MACROD2: variants seen among roughly 807,000 people sequenced by gnomAD.
The protein encoded by MACROD2 is ADP-ribose glycohydrolase MACROD2.
In MACROD2, 36 loss-of-function variants were observed where a neutral mutation model predicts 70.4. The observed-to-expected ratio is 0.51, with a 90% CI of 0.39 to 0.68. The LOEUF (loss-of-function observed/expected upper bound fraction) is 0.68. MACROD2 is among the 30% of genes least tolerant of loss of function. The probability of loss-of-function intolerance (pLI) is 0.00; values close to 1 mark genes in which losing one functional copy is unlikely to be tolerated. For missense variants in MACROD2, 496 were observed against 538.4 expected (o/e 0.92, Z 0.78); for synonymous variants, 172 against 178.8 (o/e 0.96, Z 0.30).
intron 8 of MACROD2, among the ~76,000 whole-genome samples, chr20:15,623,110 G>A (rs2049151356): frequency 6.6e-6 from 1 of 152,188 alleles, no homozygotes; most frequent in South Asian, 2.1e-4. Flanking sequence ...CAACAATGAA[G>A]TAGATTCCAT....
intron 3 of MACROD2, among the ~76,000 whole-genome samples, chr20:14,288,329 A>G (rs771431925): frequency 2.4e-4 from 37 of 152,296 alleles, no homozygotes; most frequent in Non-Finnish European, 5.1e-4. Context: ...AAGATAAAAG[A>G]GTCTAGGACT....
chr20:15,085,876 AC>A (rs1001237262), intron 5 of MACROD2, among the ~76,000 whole-genome samples: 1 of 50,112 alleles, frequency 2.0e-5, no homozygotes, highest in African/African-American at 8.4e-5. Context: ...CACACACAAC[AC>A]ACACACACAC....
rs533282421 is a variant in MACROD2, at chr20:15,196,415, A to G, written c.419-33525A>G. ...GTCTTAAGGAGCATTTGAGGAGCTA[A>G]GATATATGGCAATTTTACCCGAGAT... On this transcript the variant is annotated intron_variant, in intron 5 of 17. Coordinates refer to ENST00000684519, the MANE Select transcript of MACROD2 (RefSeq NM_001351661.2). 2.3e-3 allele frequency among the ~76,000 whole-genome samples: 350 copies of G among 152,332 alleles called. 2 individuals carry two copies. The highest frequency in any genetic ancestry group is 0.015 in the South Asian group (72 of 4,824).
At chr20:15,765,692 A>C (rs2051511456) in intron 8 of MACROD2, among the ~76,000 whole-genome samples, 1 of 152,218 alleles carries the variant, frequency 6.6e-6, no homozygotes, top group African/African-American at 2.4e-5. Flanking sequence ...AAATAAAGTG[A>C]ACATATTTAC....
chr20:15,160,996 T>A (rs2076344390), intron 5 of MACROD2, among the ~76,000 whole-genome samples: 1 of 152,096 alleles, frequency 6.6e-6, no homozygotes, highest in Non-Finnish European at 1.5e-5. Flanking sequence ...TGCATGTGCA[T>A]GCACACTGTT....
intron 8 of MACROD2, among the ~76,000 whole-genome samples, chr20:15,713,242 T>C (rs1454293184): frequency 2.6e-5 from 4 of 152,110 alleles, no homozygotes; most frequent in African/African-American, 9.7e-5. Flanking sequence ...ATCTCAGAGT[T>C]TAAAAAAGAC....
At chr20:15,267,278 C>A (rs1206230396) in intron 6 of MACROD2, among the ~76,000 whole-genome samples, 1 of 152,152 alleles carries the variant, frequency 6.6e-6, no homozygotes, top group Non-Finnish European at 1.5e-5. Flanking sequence ...TACCTCCCTA[C>A]CCCCAGGGAA....
At position 15,524,692 on chromosome 20, in the gene MACROD2, G is replaced by A. The variant is rs2146535695; in HGVS notation, c.645+24845G>A. On this transcript the variant is annotated intron_variant, in intron 8 of 17. Coordinates refer to ENST00000684519, the MANE Select transcript of MACROD2 (RefSeq NM_001351661.2). ...TGTATAATAGAGGGACTTATTTTCT[G>A]TGTAGTGCCTAGGTATAGCCCTGTA... Among the ~76,000 whole-genome samples the A allele has an allele frequency of 1.3e-5, 2 of 152,272 alleles. 1 individual carries two copies. Among genetic ancestry groups the A allele is most frequent in the South Asian group, 4.2e-4 (2 of 4,818 alleles).
chr20:15,918,227 T>C (rs1423500326), intron 10 of MACROD2, among the ~76,000 whole-genome samples: 1 of 152,250 alleles, frequency 6.6e-6, no homozygotes, highest in Non-Finnish European at 1.5e-5. Context: ...TAGGACAGAC[T>C]TTGAAGGGTC....
chr20:14,436,264 A>G (rs903481861), intron 3 of MACROD2, among the ~76,000 whole-genome samples: 2 of 152,292 alleles, frequency 1.3e-5, no homozygotes, highest in African/African-American at 4.8e-5. Flanking sequence ...AAGTGATACC[A>G]TGATGACCCT....
chr20:15,682,864 T>C (rs1201328041), intron 8 of MACROD2, among the ~76,000 whole-genome samples: 1 of 152,228 alleles, frequency 6.6e-6, no homozygotes, highest in Non-Finnish European at 1.5e-5. Context: ...TCATTTTTTG[T>C]TGTTATTGCC....
rs540960875 is a variant in MACROD2 at position 14,332,594 on chromosome 20, A to G, written c.272-160885A>G. Among the ~76,000 whole-genome samples the G allele has an allele frequency of 2.0e-5, 3 of 152,220 alleles. No homozygotes were observed. The East Asian group carries it at 5.8e-4, about 29-fold the overall frequency. On this transcript the variant is annotated intron_variant, in intron 3 of 17. Transcript: ENST00000684519. ...TTTTAAAAATATTAATTCAAGTATAAGGTTTTGAGATTATAGTTTATTTTT... is the reference window on the plus strand; with the variant it reads ...TTTTAAAAATATTAATTCAAGTATAGGGTTTTGAGATTATAGTTTATTTTT...
chr20:14,619,444 A>AGGCAG (rs1341765279), intron 4 of MACROD2, among the ~76,000 whole-genome samples: 1 of 4,332 alleles, frequency 2.3e-4, no homozygotes, highest in Non-Finnish European at 5.4e-4. Context: ...GGAGGGAGGG[A>AGGCAG]GGAAGGGAAG....
chr20:14,862,618 T>TATATATGTATAA lies in MACROD2; in HGVS notation c.418+177665_418+177666insGTATAAATATAT, dbSNP rs1568841322. 4.7e-3 allele frequency among the ~76,000 whole-genome samples: 71 copies of TATATATGTATAA among 15,214 alleles called. 1 individual carries two copies. Among genetic ancestry groups the TATATATGTATAA allele is most frequent in the Non-Finnish European group, 7.1e-3 (54 of 7,604 alleles). 10.0% of individuals were successfully genotyped at this position (15,214 alleles called of 152,430 possible). ...ATATATAAATATAAATATATATAAA[T>TATATATGTATAA]ATATATATATAAATATATATATAAA... On this transcript the variant is annotated intron_variant, in intron 5 of 17. Transcript: ENST00000684519.
At chr20:14,746,569 A>G (rs553894294) in intron 5 of MACROD2, among the ~76,000 whole-genome samples, 7 of 152,252 alleles carry the variant, frequency 4.6e-5, no homozygotes, top group Non-Finnish European at 8.8e-5. Context: ...GATAGAAACT[A>G]TATCACCCAC....
At position 15,140,924 on chromosome 20, in the gene MACROD2, G is replaced by T. The variant is rs369352986; in HGVS notation, c.419-89016G>T. Among the ~76,000 whole-genome samples, 6 of 152,240 alleles carry T rather than the reference G, an allele frequency of 3.9e-5. No homozygotes were observed. In the East Asian group the frequency reaches 1.2e-3, roughly 29 times the overall value. On this transcript the variant is annotated intron_variant, in intron 5 of 17. Coordinates refer to ENST00000684519, the MANE Select transcript of MACROD2 (RefSeq NM_001351661.2). ...ACATTTTGTAAACCAGGTTTTAGTC[G>T]CAGTATGCACCATACTGACCAAATT...
intron 9 of MACROD2, among the ~76,000 whole-genome samples, chr20:15,866,944 G>C (rs1212330636): frequency 6.6e-6 from 1 of 152,116 alleles, no homozygotes; most frequent in African/African-American, 2.4e-5. Context: ...TAGTTTGTCA[G>C]GCCTCTAAAA....
At chr20:14,185,074 A>G (rs1367523471) in intron 3 of MACROD2, among the ~76,000 whole-genome samples, 1 of 152,118 alleles carries the variant, frequency 6.6e-6, no homozygotes, top group Non-Finnish European at 1.5e-5. Flanking sequence ...CCTGAAACAT[A>G]GTAGATGTGC....
chr20:15,219,003 G>A (rs1001609303), intron 5 of MACROD2, among the ~76,000 whole-genome samples: 3 of 151,750 alleles, frequency 2.0e-5, no homozygotes, highest in Admixed American at 6.6e-5. Flanking sequence ...CCGAGATAGC[G>A]CCACTGCACT....
Sources: allele counts gnomAD v4.1 joint callset (sites outside exome capture counted in the v4.1 genomes callset), GRCh38; gene constraint gnomAD v4.1.1; transcripts MANE v1.5; gene names NCBI Gene and HGNC (gene_info 2026-07-23, HGNC 2026-07-21).